Variants in RPS6KA5 observed in about 807,000 individuals in gnomAD.
The protein encoded by RPS6KA5 is ribosomal protein S6 kinase A5.
A neutral mutation model predicts 85.5 loss-of-function variants in RPS6KA5; 27 were observed. The observed-to-expected ratio is 0.32, with a 90% CI of 0.23 to 0.44. RPS6KA5 has a LOEUF of 0.44. Ranked by LOEUF, RPS6KA5 falls within the 20% of genes least tolerant of loss-of-function variation. RPS6KA5 has a pLI of 1.00. For synonymous variants in RPS6KA5, 334 were observed against 348.2 expected, an observed-to-expected ratio of 0.96 and a Z score of 0.46; for missense variants, 811 against 980.9, an observed-to-expected ratio of 0.83 and a Z score of 2.31.
At chr14:90,928,979 A>C (rs552183301) in intron 5 of RPS6KA5, among the ~76,000 whole-genome samples, 7 of 152,066 alleles carry the variant, frequency 4.6e-5, no homozygotes, top group Non-Finnish European at 8.8e-5. Context: ...TGTATAAAAA[A>C]TACATATCAT....
chr14:91,019,790 G>A (rs1264545219), intron 1 of RPS6KA5, among the ~76,000 whole-genome samples: 3 of 152,072 alleles, frequency 2.0e-5, no homozygotes, highest in South Asian at 2.1e-4. Context: ...TGGTGTTATC[G>A]GAACATAACC....
In RPS6KA5 at chr14:90,954,070, C is replaced by T. The variant is rs764151241; in HGVS notation, c.395-6520G>A. ...GGCTTTAAGGCTCAGGTGGGCATCA[C>T]GGTCCTACCGATATGTGATGTCACC... On this transcript the variant is annotated intron_variant, in intron 3 of 16. Coordinates refer to ENST00000614987, the MANE Select transcript of RPS6KA5 (RefSeq NM_004755.4). 1.2e-3 allele frequency among the ~76,000 whole-genome samples: 179 copies of T among 152,190 alleles called. 1 individual carries two copies. Among genetic ancestry groups the T allele is most frequent in the Non-Finnish European group, 2.2e-3 (149 of 68,044 alleles).
chr14:90,864,083 T>C lies in RPS6KA5; in HGVS notation c.*7991A>G, dbSNP rs1055652095. 5 of 152,248 alleles carry C rather than the reference T, an allele frequency of 3.3e-5. No homozygotes were observed. The highest frequency in any genetic ancestry group is 1.2e-4 in the African/African-American group (5 of 41,466). 9.4% of individuals were successfully genotyped at this position (152,248 alleles called of 1,614,324 possible). On this transcript the variant is annotated 3_prime_UTR_variant, in exon 17 of 17. Transcript: ENST00000614987. ...ACTTTGGCTACTATTTCACATCATA[T>C]ACAAATATCAGCAGTAGATGGACTG...
intron 1 of RPS6KA5, among the ~76,000 whole-genome samples, chr14:91,035,847 CAAAAAA>C (rs199625173): frequency 0.66 from 47,829 of 72,424 alleles, 13,905 homozygotes; most frequent in East Asian, 0.75. Flanking sequence ...CCCTCACCTT[CAAAAAA>C]AAAAAAAAAA....
chr14:91,030,504 C>T (rs1215527591), intron 1 of RPS6KA5, among the ~76,000 whole-genome samples: 5 of 147,936 alleles, frequency 3.4e-5, no homozygotes. Flanking sequence ...CTCCAGCCAG[C>T]AAGACAGAGT....
intron 13 of RPS6KA5, 127 bp downstream of exon 13, chr14:90,894,286 A>G: frequency 2.3e-6 from 3 of 1,294,718 alleles, no homozygotes; most frequent in Non-Finnish European, 3.0e-6. Context: ...CGTATTTTCA[A>G]TTATCTATTT....
At chr14:90,984,345 G>C (rs2039969236) in intron 2 of RPS6KA5, among the ~76,000 whole-genome samples, 2 of 152,228 alleles carry the variant, frequency 1.3e-5, no homozygotes, top group South Asian at 4.1e-4. Context: ...TGGCCCTACA[G>C]ACACCATTTT....
intron 13 of RPS6KA5, among the ~76,000 whole-genome samples, chr14:90,892,727 C>T (rs1461781032): frequency 6.6e-6 from 1 of 152,176 alleles, no homozygotes; most frequent in African/African-American, 2.4e-5. Flanking sequence ...GATAATCAGA[C>T]CTTAAAGTGC....
At chr14:90,905,731 G>T (rs573965579) in intron 8 of RPS6KA5, among the ~76,000 whole-genome samples, 1 of 152,042 alleles carries the variant, frequency 6.6e-6, no homozygotes, top group African/African-American at 2.4e-5. Context: ...AGGAAGTGAA[G>T]AAATCACTAT....
At chr14:90,992,983 G>A (rs932795123) in intron 2 of RPS6KA5, among the ~76,000 whole-genome samples, 2 of 152,126 alleles carry the variant, frequency 1.3e-5, no homozygotes, top group Non-Finnish European at 2.9e-5. Context: ...ATGAGACATC[G>A]TGACGAGAGC....
chr14:91,034,772 C>T (rs1248688132), intron 1 of RPS6KA5, among the ~76,000 whole-genome samples: 1 of 152,190 alleles, frequency 6.6e-6, no homozygotes, highest in East Asian at 1.9e-4. Context: ...GTGTAACACT[C>T]ACCACGAGGT....
Position 90,873,692 on chromosome 14 carries a change from A to C in RPS6KA5, c.2100T>G (p.Thr700=). ...CTCCGGAAGATCCTAGAATATCCGG[A>C]GTCATCAGAGGATTGGAGGACAGCT... ...GSQLSSNPLM[T]PDILGSSGAA... is the part of the protein sequence containing the mutation. Residue 700 remains threonine (T), a synonymous_variant, in exon 16 of 17, where the codon ACT becomes ACG. Coordinates refer to ENST00000614987, the MANE Select transcript of RPS6KA5 (RefSeq NM_004755.4). 1 of 1,614,170 alleles carries C rather than the reference A, an allele frequency of 6.2e-7. No individual in the cohort carries two copies. The highest frequency in any genetic ancestry group is 8.5e-7 in the Non-Finnish European group (1 of 1,180,024).
At chr14:90,921,984 C>A (rs138155351) in intron 6 of RPS6KA5, among the ~76,000 whole-genome samples, 1 of 152,212 alleles carries the variant, frequency 6.6e-6, no homozygotes, top group African/African-American at 2.4e-5. Context: ...TAGAAAGTTT[C>A]TTCTAGAATC....
rs568867589 is a variant in RPS6KA5 at position 90,946,509 on chromosome 14, C to T, written c.510+926G>A. Among the ~76,000 whole-genome samples, 7 of 152,266 alleles carry T rather than the reference C, an allele frequency of 4.6e-5. No homozygotes were observed. The South Asian group carries it at 1.0e-3, about 23-fold the overall frequency. ...CGGCCTCACCCACCTGTTACCTCCA[C>T]CTTGCTGCCTGCCCCTTTAGAAATG... On this transcript the variant is annotated intron_variant, in intron 4 of 16. Coordinates refer to ENST00000614987, the MANE Select transcript of RPS6KA5 (RefSeq NM_004755.4).
intron 2 of RPS6KA5, among the ~76,000 whole-genome samples, chr14:90,983,445 C>T (rs1199978486): frequency 1.3e-5 from 2 of 151,066 alleles, no homozygotes; most frequent in African/African-American, 4.9e-5. Flanking sequence ...ACAAAGAACA[C>T]AAAAATTATG....
chr14:91,018,771 C>A (rs1395530900), intron 1 of RPS6KA5, among the ~76,000 whole-genome samples: 1 of 152,052 alleles, frequency 6.6e-6, no homozygotes, highest in Non-Finnish European at 1.5e-5. Context: ...TGGCTTCTTT[C>A]TTCCCCAGCT....
intron 14 of RPS6KA5, among the ~76,000 whole-genome samples, chr14:90,878,762 G>A (rs2033641008): frequency 6.6e-6 from 1 of 152,182 alleles, no homozygotes; most frequent in Non-Finnish European, 1.5e-5. Context: ...AGAACTTAGT[G>A]GGCTTCTTTG....
chr14:90,926,056 AG>A (rs2036649532), intron 5 of RPS6KA5, among the ~76,000 whole-genome samples: 1 of 152,192 alleles, frequency 6.6e-6, no homozygotes, highest in African/African-American at 2.4e-5. Context: ...ACACAGCTGA[AG>A]AAAGACAGTA....
rs755247579 is a variant in RPS6KA5 at position 90,902,900 on chromosome 14, A to T, written c.1027T>A (p.Leu343Ile). 1.9e-6 allele frequency: 3 copies of T among 1,614,086 alleles called. No homozygotes were observed. The Admixed American group carries it at 5.0e-5, about 27-fold the overall frequency. ...APFKPVIRDE[L>I]DVSNFAEEFT... ...TCTTCTGCAAAGTTACTCACATCTA[A>T]TTCATCTCGAATGACTGGCTTAAAT... The change falls in exon 9 of 17, where the codon TTA becomes ATA. Residue 343 changes from leucine (L) to isoleucine (I), a missense_variant. Coordinates refer to ENST00000614987, the MANE Select transcript of RPS6KA5 (RefSeq NM_004755.4).
Sources: allele counts gnomAD v4.1 joint callset (sites outside exome capture counted in the v4.1 genomes callset), GRCh38; gene constraint gnomAD v4.1.1; transcripts MANE v1.5; gene names NCBI Gene and HGNC (gene_info 2026-07-23, HGNC 2026-07-21).